Variants in MIDEAS observed in about 807,000 individuals in gnomAD.
The protein encoded by MIDEAS is mitotic deacetylase associated SANT domain protein, also known as mitotic deacetylase-associated SANT domain protein.
Under a neutral mutation model 102.7 loss-of-function variants are expected in MIDEAS, and 26 were observed. That is an observed-to-expected ratio of 0.25 (90% CI 0.19 to 0.35). MIDEAS has a LOEUF of 0.35. MIDEAS is among the 10% of genes least tolerant of loss of function. The probability of loss-of-function intolerance (pLI) is 1.00; values close to 1 mark genes in which losing one functional copy is unlikely to be tolerated. For synonymous variants in MIDEAS, 585 were observed against 591.0 expected (o/e 0.99, Z 0.15); for missense variants, 1,231 against 1,435.6 (o/e 0.86, Z 2.30).
At chr14:73,726,428 ACC>A (rs1388325969) in intron 7 of MIDEAS, among the ~76,000 whole-genome samples, 174 bp downstream of exon 7, 2 of 152,114 alleles carry the variant, frequency 1.3e-5, no homozygotes, top group Non-Finnish European at 2.9e-5. Flanking sequence ...GCACAGCAAA[ACC>A]CGGGGTCTGA....
At chr14:73,741,352 T>A (rs912590310) in intron 1 of MIDEAS, among the ~76,000 whole-genome samples, 2 of 151,910 alleles carry the variant, frequency 1.3e-5, no homozygotes, top group South Asian at 2.1e-4. Context: ...CTCAGAGTGA[T>A]GTTTGGGTTT....
At chr14:73,726,739 A>C in intron 6 of MIDEAS, 32 bp from the exon 7 acceptor site, 4 of 1,613,538 alleles carry the variant, frequency 2.5e-6, no homozygotes, top group Non-Finnish European at 3.4e-6. Flanking sequence ...GAGGGAGGGG[A>C]GGAAACCACG....
Position 73,737,240 on chromosome 14 carries a change from C to G in MIDEAS, c.1507G>C (p.Gly503Arg), listed in dbSNP as rs2053214015. 6.2e-7 allele frequency: 1 copy of G among 1,614,118 alleles called. No homozygotes were observed. The highest frequency in any genetic ancestry group is 8.5e-7 in the Non-Finnish European group (1 of 1,179,982). ...KSVLASTTKC[G>R]VEFSEPSLAT... ...AAGGAAGGCTCAGAAAACTCCACCC[C>G]ACACTTGGTAGTTGAGGCCAATACA... Residue 503 changes from glycine to arginine, a missense_variant, in exon 3 of 13, where the codon GGG (glycine) becomes CGG (arginine). Transcript: ENST00000423556.
At chr14:73,727,272 C>T (rs778701530) in intron 5 of MIDEAS, 186 bp downstream of exon 5, 112 of 679,516 alleles carry the variant, frequency 1.6e-4, no homozygotes, top group Non-Finnish European at 1.7e-4. Context: ...TTGCCCTTCC[C>T]TGCAACTTCC....
At chr14:73,741,120 C>T (rs1472409138) in intron 1 of MIDEAS, among the ~76,000 whole-genome samples, 3 of 152,220 alleles carry the variant, frequency 2.0e-5, no homozygotes, top group East Asian at 3.9e-4. Context: ...CTTCCACTGC[C>T]GAAGAGCCCC....
intron 1 of MIDEAS, among the ~76,000 whole-genome samples, chr14:73,777,019 G>C (rs1667875860): frequency 6.6e-6 from 1 of 151,708 alleles, no homozygotes. Context: ...GCAGTGAGCC[G>C]AGATCACGCC....
In MIDEAS at chr14:73,738,802, C is replaced by A; in HGVS notation, c.1207G>T (p.Glu403Ter). Residue 403 changes from glutamate (E) to a stop codon, truncating the protein, a stop_gained, in exon 2 of 13, where the codon GAG (glutamate) becomes TAG (stop). Coordinates refer to ENST00000423556, the MANE Select transcript of MIDEAS (RefSeq NM_001367710.1). LOFTEE classifies it high-confidence loss of function. ...GGCAGTAGCTGCGACTCCCTCAGCT[C>A]CAGCGGGAATCCCAGAGCTTCAGGA... ...PHPEALGFPL[E>*]LRESQLLPDG... 1 of 1,576,426 alleles carries A rather than the reference C, an allele frequency of 6.3e-7. No individual in the cohort carries two copies.
chr14:73,725,141 T>C lies in MIDEAS; in HGVS notation c.2574+131A>G. 1.4e-6 allele frequency: 1 copy of C among 704,350 alleles called. No individual in the cohort carries two copies. Among genetic ancestry groups the C allele is most frequent in the Non-Finnish European group, 2.6e-6 (1 of 388,894 alleles). 43.6% of individuals were successfully genotyped at this position (704,350 alleles called of 1,614,324 possible). A position where few individuals can be genotyped will look rare whatever the true frequency, so the allele number is the denominator to read the frequency against. The stretch of plus-strand genomic sequence containing the variant: ...TCTCTTTCTTGTATTGTTTAGGAAA[T>C]TCTCTCTGAGGCTACTCAGTAGCAT... On this transcript the variant is annotated intron_variant, in intron 9 of 12. Coordinates refer to ENST00000423556, the MANE Select transcript of MIDEAS (RefSeq NM_001367710.1). This position sits in a 1 kb window ranked among gnomAD's most constrained non-coding sequence, Gnocchi z 4.1.
intron 1 of MIDEAS, among the ~76,000 whole-genome samples, chr14:73,784,401 T>C (rs527387965): frequency 1.3e-5 from 2 of 152,356 alleles, no homozygotes; most frequent in East Asian, 1.9e-4. Flanking sequence ...CATTGGGAAC[T>C]GAAGGTGAGG....
upstream of MIDEAS, among the ~76,000 whole-genome samples, chr14:73,760,670 A>G (rs540876142): frequency 1.2e-4 from 18 of 152,286 alleles, no homozygotes; most frequent in African/African-American, 2.9e-4. The surrounding 1 kb of genome is among the most constrained non-coding windows in gnomAD (Gnocchi z 4.8). Context: ...ATCATGCACA[A>G]TCCTCTCCAT....
chr14:73,772,173 T>TA (rs1322917899), intron 1 of MIDEAS, among the ~76,000 whole-genome samples: 1 of 152,250 alleles, frequency 6.6e-6, no homozygotes, highest in Admixed American at 6.5e-5. Flanking sequence ...CGGTAGCTGA[T>TA]AAAGACAGAG....
upstream of MIDEAS, among the ~76,000 whole-genome samples, chr14:73,789,612 G>A (rs1214717761): frequency 1.3e-5 from 2 of 152,162 alleles, no homozygotes; most frequent in Non-Finnish European, 2.9e-5. Flanking sequence ...AGAATCATTG[G>A]GGACCCAGTG....
At chr14:73,737,575 G>A (rs536691181) in intron 2 of MIDEAS, among the ~76,000 whole-genome samples, 5 of 152,016 alleles carry the variant, frequency 3.3e-5, no homozygotes, top group Admixed American at 2.0e-4. Context: ...GCGGTGAGCC[G>A]AGATCGAACC....
chr14:73,774,130 G>T (rs1197117676), intron 1 of MIDEAS, among the ~76,000 whole-genome samples: 1 of 151,762 alleles, frequency 6.6e-6, no homozygotes, highest in Admixed American at 6.6e-5. Flanking sequence ...CTGGGATAAT[G>T]ACAGGAAGCC....
At chr14:73,719,104 A>C (rs142519644) in intron 12 of MIDEAS, 96 bp from the exon 13 acceptor site, 2 of 1,455,476 alleles carry the variant, frequency 1.4e-6, no homozygotes, top group Non-Finnish European at 1.8e-6. Context: ...CTTCACCCCC[A>C]CGCTGCACAG....
Position 73,718,885 on chromosome 14 carries a change from C to G in MIDEAS, c.3258G>C (p.Gln1086His). 6.6e-7 allele frequency: 1 copy of G among 1,517,484 alleles called. No homozygotes were observed. Among genetic ancestry groups the G allele is most frequent in the Non-Finnish European group, 8.8e-7 (1 of 1,139,086 alleles). The allele number at this position is 1,517,484 out of a possible 1,614,324, so 94.0% of individuals were successfully genotyped here. A position where few individuals can be genotyped will look rare whatever the true frequency, so the allele number is the denominator to read the frequency against. Reference protein sequence around the residue: ...EAAAAAAAAHQQALREESGAG... With the variant: ...EAAAAAAAAHHQALREESGAG... Reference sequence around the variant, plus strand: ...CACCGCTCTCCTCCCGCAGGGCCTGCTGGTGGGCGGCGGCGGCGGCAGCAG... The same window carrying G: ...CACCGCTCTCCTCCCGCAGGGCCTGGTGGTGGGCGGCGGCGGCGGCAGCAG... Residue 1086 changes from glutamine (Q) to histidine (H), a missense_variant, in exon 13 of 13, where the codon CAG becomes CAC. This residue lies in a region of MIDEAS where 71 missense variants were observed against 51.9 expected (regional missense o/e 1.37). Coordinates refer to ENST00000423556, the MANE Select transcript of MIDEAS (RefSeq NM_001367710.1).
At chr14:73,783,375 T>A (rs1477247217) in intron 1 of MIDEAS, among the ~76,000 whole-genome samples, 2 of 151,830 alleles carry the variant, frequency 1.3e-5, no homozygotes, top group African/African-American at 4.8e-5. Context: ...TGGGGAAGCA[T>A]GGGAGGTAGG....
In MIDEAS at chr14:73,737,183, T is replaced by C. The variant is rs2053212539; in HGVS notation, c.1564A>G (p.Met522Val). The C allele has an allele frequency of 6.2e-7, 1 of 1,614,090 alleles. No homozygotes were observed. The highest frequency in any genetic ancestry group is 1.3e-5 in the African/African-American group (1 of 75,016). Residue 522 changes from methionine to valine, a missense_variant, in exon 3 of 13, where the codon ATG (methionine) becomes GTG (valine). By Grantham distance (21) the Met-to-Val change is conservative (BLOSUM62 1). Around this residue, in one of 5 missense-constraint regions of MIDEAS, gnomAD observed 758 missense variants for 856.0 expected, o/e 0.89. Transcript: ENST00000423556. ...ATKRAREDSG[M>V]VPLIIPVSVP... ...GACACTGGGATGATGAGGGGTACCA[T>C]CCCACTGTCTTCTCGTGCTCGCTTG...
intron 1 of MIDEAS, among the ~76,000 whole-genome samples, chr14:73,777,998 T>G (rs1293262960): frequency 1.3e-5 from 2 of 151,858 alleles, no homozygotes; most frequent in African/African-American, 4.8e-5. Context: ...AAGTACACAG[T>G]AAGGGCTCAA....
Sources: gnomAD v4.1 joint callset for allele counts (sites outside exome capture counted in the v4.1 genomes callset) on GRCh38, gnomAD v4.1.1 for gene constraint, gnomAD v4.1.1 regional missense constraint, Gnocchi (gnomAD v3.1) non-coding constraint, MANE v1.5 for transcripts, NCBI Gene and HGNC (gene_info 2026-07-23, HGNC 2026-07-21) for gene names.